ADRA1B: variants seen among roughly 807,000 people sequenced by gnomAD.
ADRA1B encodes the protein adrenoceptor alpha 1B, also known as alpha-1B adrenergic receptor.
ADRA1B carries 17 observed loss-of-function variants against 17.9 expected under a neutral mutation model. That is an observed-to-expected ratio of 0.95 (90% CI 0.65 to 1.42). The LOEUF is 1.42. Among genes scored for constraint, ADRA1B ranks in the 40% most tolerant of loss-of-function variants. The probability of loss-of-function intolerance (pLI) is 0.00; values close to 1 mark genes in which losing one functional copy is unlikely to be tolerated. For synonymous variants in ADRA1B, 366 were observed against 327.6 expected, an observed-to-expected ratio of 1.12 and a Z score of -1.27; for missense variants, 681 against 722.1, an observed-to-expected ratio of 0.94 and a Z score of 0.65.
At chr5:159,884,208 T>A (rs564131708) in intron 1 of ADRA1B, among the ~76,000 whole-genome samples, 73 of 152,372 alleles carry the variant, frequency 4.8e-4, no homozygotes, top group Non-Finnish European at 8.8e-5. Context: ...GAGGAATATT[T>A]TCCCAATCCC....
chr5:159,878,321 G>C (rs10056776), intron 1 of ADRA1B, among the ~76,000 whole-genome samples: 59,176 of 152,024 alleles, frequency 0.39, 12,248 homozygotes, highest in African/African-American at 0.5. Context: ...TCCAGTTCAA[G>C]GGGCCTCCTG....
Position 159,971,865 on chromosome 5 carries a change from C to A in ADRA1B, c.950-14C>A. On this transcript the variant is annotated splice_polypyrimidine_tract_variant and intron_variant, in intron 1 of 1. Transcript: ENST00000306675. ...CTGTCTTTCTGCCCGTGCCCACCCC[C>A]CTCCCCACTGCAGGCTCCTTGTTCT... The A allele has an allele frequency of 9.5e-6, 4 of 420,812 alleles. No individual in the cohort carries two copies. Among genetic ancestry groups the A allele is most frequent in the Non-Finnish European group, 1.1e-5 (3 of 266,050 alleles). The allele number at this position is 420,812 out of a possible 1,614,324, so 26.1% of individuals were successfully genotyped here.
At chr5:159,869,988 A>C (rs1753714498) in intron 1 of ADRA1B, 2 of 152,220 alleles carry the variant, frequency 1.3e-5, no homozygotes. Context: ...TGGTTAAGAA[A>C]ACAGACATCA....
intron 1 of ADRA1B, among the ~76,000 whole-genome samples, chr5:159,935,033 G>A (rs72808202): frequency 1.9e-4 from 29 of 152,226 alleles, no homozygotes; most frequent in Non-Finnish European, 3.4e-4. Context: ...TAATATACAC[G>A]AAGCCTCTAA....
At chr5:159,950,700 C>T in intron 1 of ADRA1B, 2 of 701,454 alleles carry the variant, frequency 2.9e-6, no homozygotes, top group Middle Eastern at 4.1e-4. Flanking sequence ...TGGGGGGACA[C>T]TCCAATGCTC....
intron 1 of ADRA1B, among the ~76,000 whole-genome samples, chr5:159,900,740 G>T (rs1043537951): frequency 6.6e-5 from 10 of 152,230 alleles, no homozygotes; most frequent in Admixed American, 1.3e-4. Context: ...GGCAGGTTGG[G>T]GGGTGGGCAG....
intron 1 of ADRA1B, among the ~76,000 whole-genome samples, chr5:159,886,362 G>A (rs149914972): frequency 2.3e-4 from 35 of 152,228 alleles, no homozygotes; most frequent in African/African-American, 7.0e-4. Flanking sequence ...AGAGAGACAT[G>A]TGAATCTCCT....
intron 1 of ADRA1B, among the ~76,000 whole-genome samples, chr5:159,889,992 T>C (rs1423683122): frequency 6.6e-6 from 1 of 152,210 alleles, no homozygotes; most frequent in Non-Finnish European, 1.5e-5. Flanking sequence ...AAATAGACTC[T>C]GGCACAGAAG....
At chr5:159,985,491 C>A in the ADRA1B span, among the ~76,000 whole-genome samples, 1,267 of 152,288 alleles carry the variant, frequency 8.3e-3, 7 homozygotes, top group Middle Eastern at 0.024. Flanking sequence ...GGCCAGGCCC[C>A]AAGTAGTAGC....
At chr5:159,962,930 C>CT (rs1287451612) in intron 1 of ADRA1B, among the ~76,000 whole-genome samples, 694 of 57,372 alleles carry the variant, frequency 0.012, 49 homozygotes, top group African/African-American at 0.046. Flanking sequence ...TTTTTCTTTT[C>CT]TTTTCTTTTT....
intron 1 of ADRA1B, among the ~76,000 whole-genome samples, chr5:159,908,810 AG>A (rs1335173875): frequency 6.6e-6 from 1 of 152,252 alleles, no homozygotes; most frequent in African/African-American, 2.4e-5. Flanking sequence ...ATGGGGCCAA[AG>A]AAAGCAGGCA....
At chr5:159,915,351 T>C (rs1754274628), upstream of ADRA1B, among the ~76,000 whole-genome samples, 1 of 152,210 alleles carries the variant, frequency 6.6e-6, no homozygotes, top group African/African-American at 2.4e-5. Context: ...CTTTCTCTCA[T>C]GAGAGTCATG....
intron 1 of ADRA1B, among the ~76,000 whole-genome samples, chr5:159,923,193 A>G (rs1454169315): frequency 2.0e-5 from 3 of 152,294 alleles, no homozygotes; most frequent in Non-Finnish European, 4.4e-5. Flanking sequence ...AGGCCGGGCC[A>G]TGCAAGGGCT....
chr5:159,986,083 AGTTT>A, the ADRA1B span, among the ~76,000 whole-genome samples: 1 of 152,204 alleles, frequency 6.6e-6, no homozygotes, highest in African/African-American at 2.4e-5. Context: ...AGAGGGCCTG[AGTTT>A]CACAGGTGAG....
chr5:159,939,964 G>T (rs1267821010), intron 1 of ADRA1B, among the ~76,000 whole-genome samples: 1 of 152,190 alleles, frequency 6.6e-6, no homozygotes, highest in Non-Finnish European at 1.5e-5. Flanking sequence ...GCCCATCAGA[G>T]CCTTGTCACA....
the ADRA1B span, among the ~76,000 whole-genome samples, chr5:159,982,285 A>G: frequency 5.3e-5 from 8 of 152,328 alleles, no homozygotes; most frequent in Admixed American, 5.2e-4. Context: ...GACAGAGCTA[A>G]TGAAATGATG....
intron 1 of ADRA1B, among the ~76,000 whole-genome samples, chr5:159,910,466 T>A (rs538218863): frequency 5.3e-5 from 8 of 152,288 alleles, no homozygotes; most frequent in African/African-American, 1.9e-4. Flanking sequence ...TCAGACAAAT[T>A]TCTCCCTCTT....
At chr5:159,905,945 C>T (rs1754157588) in intron 1 of ADRA1B, among the ~76,000 whole-genome samples, 1 of 152,132 alleles carries the variant, frequency 6.6e-6, no homozygotes, top group Non-Finnish European at 1.5e-5. Flanking sequence ...CAACTTCCGC[C>T]TCCCAGGTTC....
At chr5:159,942,564 A>G (rs1755163871) in intron 1 of ADRA1B, among the ~76,000 whole-genome samples, 1 of 152,014 alleles carries the variant, frequency 6.6e-6, no homozygotes, top group Non-Finnish European at 1.5e-5. Flanking sequence ...TAATCCCACC[A>G]CTCTGGGAGG....
Sources: gnomAD v4.1 joint callset for allele counts (sites outside exome capture counted in the v4.1 genomes callset) on GRCh38, gnomAD v4.1.1 for gene constraint, MANE v1.5 for transcripts, NCBI Gene and HGNC (gene_info 2026-07-23, HGNC 2026-07-21) for gene names.